The following SLC14A2 variants were observed in gnomAD, a reference collection of about 807,000 sequenced individuals.
The protein encoded by SLC14A2 is urea transporter 2.
SLC14A2 carries 91 observed loss-of-function variants against 104.6 expected under a neutral mutation model. The ratio of observed to expected loss-of-function variants is 0.87; its 90% confidence interval spans 0.73 to 1.04. SLC14A2 has a LOEUF of 1.04. Among genes scored for constraint, SLC14A2 ranks in the 50% least tolerant of loss-of-function variants. The pLI is 0.00. For synonymous variants in SLC14A2, 476 were observed against 466.4 expected, an observed-to-expected ratio of 1.02 and a Z score of -0.27; for missense variants, 1,189 against 1,156.0, an observed-to-expected ratio of 1.03 and a Z score of -0.41.
chr18:45,534,525 C>G (rs1237677253), intron 2 of SLC14A2, among the ~76,000 whole-genome samples: 3 of 152,006 alleles, frequency 2.0e-5, no homozygotes, highest in African/African-American at 4.8e-5. Flanking sequence ...AGATCAAGGC[C>G]TCGTAAATTT....
chr18:45,618,327 C>G (rs2045105955), intron 1 of SLC14A2, among the ~76,000 whole-genome samples: 7 of 152,144 alleles, frequency 4.6e-5, no homozygotes, highest in Admixed American at 4.6e-4. Context: ...CTGCTAATCA[C>G]TTTTACTTCT....
At chr18:45,601,874 C>A (rs1245418206) in intron 2 of SLC14A2, among the ~76,000 whole-genome samples, 11 of 152,226 alleles carry the variant, frequency 7.2e-5, no homozygotes, top group Admixed American at 6.5e-4. Flanking sequence ...AGATTGCAAG[C>A]ATTTTCTTTG....
chr18:45,567,852 A>G (rs2044289591), intron 2 of SLC14A2, among the ~76,000 whole-genome samples: 2 of 152,210 alleles, frequency 1.3e-5, no homozygotes, highest in Non-Finnish European at 2.9e-5. Context: ...TGATTCATGA[A>G]TAAGAGACCC....
At chr18:45,384,157 G>T (rs910131971) in intron 1 of SLC14A2, among the ~76,000 whole-genome samples, 1 of 152,146 alleles carries the variant, frequency 6.6e-6, no homozygotes, top group Non-Finnish European at 1.5e-5. Context: ...GCTAGGACTA[G>T]AAGTCTTTGT....
chr18:45,510,461 A>AG (rs1207868501), intron 2 of SLC14A2, among the ~76,000 whole-genome samples: 1 of 152,184 alleles, frequency 6.6e-6, no homozygotes, highest in East Asian at 1.9e-4. Flanking sequence ...CTGTGGAGGC[A>AG]GGGAGTACCC....
chr18:45,473,069 G>C (rs772416408), intron 1 of SLC14A2, among the ~76,000 whole-genome samples: 1 of 152,166 alleles, frequency 6.6e-6, no homozygotes, highest in Non-Finnish European at 1.5e-5. Context: ...TGTAAGGAAG[G>C]GGTCCAGGTT....
intron 1 of SLC14A2, among the ~76,000 whole-genome samples, chr18:45,357,297 T>C (rs186415895): frequency 6.5e-4 from 98 of 149,628 alleles, no homozygotes; most frequent in African/African-American, 2.3e-3. Flanking sequence ...AAACAGATCT[T>C]GAGGGGGAAA....
intron 10 of SLC14A2, among the ~76,000 whole-genome samples, chr18:45,651,811 T>C (rs1019849933): frequency 6.6e-6 from 1 of 152,230 alleles, no homozygotes; most frequent in African/African-American, 2.4e-5. Context: ...ACAAGTGCCT[T>C]TGCTACTTTT....
chr18:45,509,996 C>A (rs979874455), intron 2 of SLC14A2, among the ~76,000 whole-genome samples: 1 of 152,132 alleles, frequency 6.6e-6, no homozygotes, highest in East Asian at 1.9e-4. Context: ...CATAATCCTA[C>A]CCCCTGTTAG....
At chr18:45,248,180 C>G (rs902743486) in intron 1 of SLC14A2, among the ~76,000 whole-genome samples, 1 of 151,946 alleles carries the variant, frequency 6.6e-6, no homozygotes, top group Admixed American at 6.6e-5. Context: ...AGGGAGGTGG[C>G]AAAAAAGCAA....
intron 1 of SLC14A2, among the ~76,000 whole-genome samples, chr18:45,275,684 T>C (rs921118391): frequency 6.6e-6 from 1 of 152,228 alleles, no homozygotes; most frequent in Non-Finnish European, 1.5e-5. Flanking sequence ...CTGAAAGTAC[T>C]ATGCCTGCAG....
chr18:45,643,115 TC>T lies in SLC14A2; in HGVS notation c.1127-15del. ...GGCCCTGGGAAGCTCACTCTGGTGA[TC>T]CTTGTTCCTCCACAGCCCTGTTCTG... On this transcript the variant is annotated splice_polypyrimidine_tract_variant and intron_variant, in intron 8 of 19. Coordinates refer to ENST00000255226, the MANE Select transcript of SLC14A2 (RefSeq NM_007163.4). 5 of 1,613,936 alleles carry T rather than the reference TC, an allele frequency of 3.1e-6. No homozygotes were observed. Among genetic ancestry groups the T allele is most frequent in the Non-Finnish European group, 3.4e-6 (4 of 1,179,800 alleles).
chr18:45,436,124 C>A (rs530322217), intron 1 of SLC14A2, among the ~76,000 whole-genome samples: 1 of 151,978 alleles, frequency 6.6e-6, no homozygotes, highest in Non-Finnish European at 1.5e-5. Flanking sequence ...GGGGGTACCA[C>A]CTTTTAATAA....
chr18:45,493,044 C>T (rs1168035211), intron 2 of SLC14A2: 1 of 152,234 alleles, frequency 6.6e-6, no homozygotes, highest in African/African-American at 2.4e-5. Flanking sequence ...ATTACAACTT[C>T]TCTTCCAGGT....
chr18:45,179,470 G>GAAAACA, the SLC14A2 span, among the ~76,000 whole-genome samples: 5,111 of 152,102 alleles, frequency 0.034, 283 homozygotes, highest in African/African-American at 0.12. Context: ...TTTGAAGAAG[G>GAAAACA]AAAACAAAAA....
chr18:45,297,981 A>AG (rs2084932911), intron 1 of SLC14A2, among the ~76,000 whole-genome samples: 2 of 152,244 alleles, frequency 1.3e-5, no homozygotes, highest in Admixed American at 1.3e-4. Context: ...TTAAAGACAA[A>AG]GAGGCATTTT....
chr18:45,299,551 T>C (rs928956732), intron 1 of SLC14A2, among the ~76,000 whole-genome samples: 6 of 152,198 alleles, frequency 3.9e-5, no homozygotes, highest in Non-Finnish European at 7.3e-5. Context: ...AACCTCTGCC[T>C]CCCGGGTTCA....
intron 2 of SLC14A2, among the ~76,000 whole-genome samples, chr18:45,512,302 C>A (rs985732735): frequency 1.3e-5 from 2 of 152,018 alleles, no homozygotes; most frequent in African/African-American, 4.8e-5. Context: ...TAGGAGTGAA[C>A]CAGACTAGCA....
At chr18:45,241,085 A>G (rs1327714259) in intron 1 of SLC14A2, among the ~76,000 whole-genome samples, 1 of 152,228 alleles carries the variant, frequency 6.6e-6, no homozygotes, top group East Asian at 1.9e-4. Flanking sequence ...TGAGTGAGAC[A>G]GGAAAAGGAA....
Sources: allele counts gnomAD v4.1 joint callset (sites outside exome capture counted in the v4.1 genomes callset), GRCh38; gene constraint gnomAD v4.1.1; transcripts MANE v1.5; gene names NCBI Gene and HGNC (gene_info 2026-07-23, HGNC 2026-07-21).